The following SRC variants were observed in gnomAD, a reference collection of about 807,000 sequenced individuals.
The protein encoded by SRC is proto-oncogene tyrosine-protein kinase Src.
Under a neutral mutation model 62.9 loss-of-function variants are expected in SRC, and 13 were observed. The observed-to-expected ratio is 0.21, with a 90% CI of 0.13 to 0.33. SRC has a LOEUF of 0.33. Ranked by LOEUF, SRC falls within the 10% of genes least tolerant of loss-of-function variation. SRC has a pLI of 1.00. For synonymous variants in SRC, 302 were observed against 317.5 expected (o/e 0.95, Z 0.52); for missense variants, 457 against 737.3 (o/e 0.62, Z 4.40).
chr20:37,387,894 G>A (rs762661151), intron 5 of SRC, among the ~76,000 whole-genome samples: 1 of 152,154 alleles, frequency 6.6e-6, no homozygotes, highest in Non-Finnish European at 1.5e-5. Flanking sequence ...CTCGAGAAAT[G>A]GGAAGTCTTA....
chr20:37,379,895 C>CAA (rs774306236), intron 2 of SRC, among the ~76,000 whole-genome samples: 821 of 41,028 alleles, frequency 0.02, 30 homozygotes, highest in African/African-American at 0.052. Flanking sequence ...GACTCCATTT[C>CAA]AAAAAAAAAA....
Position 37,402,233 on chromosome 20 carries a change from C to G in SRC, c.1117-202C>G. 1 of 600,528 alleles carries G rather than the reference C, an allele frequency of 1.7e-6. No individual in the cohort carries two copies. Among genetic ancestry groups the G allele is most frequent in the South Asian group, 2.2e-5 (1 of 45,564 alleles). The allele number at this position is 600,528 out of a possible 1,614,324, so 37.2% of individuals were successfully genotyped here. A position where few individuals can be genotyped will look rare whatever the true frequency, so the allele number is the denominator to read the frequency against. On this transcript the variant is annotated intron_variant, in intron 11 of 13. Coordinates refer to ENST00000373578, the MANE Select transcript of SRC (RefSeq NM_198291.3). This position sits in a 1 kb window ranked among gnomAD's most constrained non-coding sequence, Gnocchi z 6.2. Reference sequence around the variant, plus strand: ...TGACCTTTGCCTTCTGCCCTCTGCTCTGTGCCCTGTGCTCCCTACTCCCGC... The same window carrying G: ...TGACCTTTGCCTTCTGCCCTCTGCTGTGTGCCCTGTGCTCCCTACTCCCGC...
At chr20:37,367,888 TC>T (rs1280174968) in intron 2 of SRC, among the ~76,000 whole-genome samples, 15 of 152,268 alleles carry the variant, frequency 9.9e-5, no homozygotes, top group Non-Finnish European at 1.8e-4. Context: ...CAAGAGATCC[TC>T]CTGTCTTGGC....
intron 2 of SRC, among the ~76,000 whole-genome samples, chr20:37,372,988 A>G (rs2070191225): frequency 1.3e-5 from 2 of 152,106 alleles, no homozygotes; most frequent in Non-Finnish European, 2.9e-5. Flanking sequence ...CAGAGATATG[A>G]AAATTCATTA....
intron 1 of SRC, among the ~76,000 whole-genome samples, chr20:37,355,974 G>A (rs1249003354): frequency 6.6e-6 from 1 of 152,168 alleles, no homozygotes; most frequent in Non-Finnish European, 1.5e-5. Flanking sequence ...GCAGGTTGAG[G>A]CCAGACTCTT....
At chr20:37,363,788 G>A (rs552477195) in intron 1 of SRC, among the ~76,000 whole-genome samples, 115 of 152,322 alleles carry the variant, frequency 7.5e-4, no homozygotes, top group African/African-American at 2.7e-3. Flanking sequence ...TGGCCGTCCC[G>A]GTTAGGGAGA....
intron 2 of SRC, among the ~76,000 whole-genome samples, chr20:37,368,742 G>A (rs992779755): frequency 1.3e-5 from 2 of 150,714 alleles, no homozygotes; most frequent in Non-Finnish European, 3.0e-5. Context: ...TAGTAGAGAC[G>A]GGGTTTCACC....
rs773624025 is a variant in SRC, at chr20:37,393,885, C to A, written c.351-10C>A. The A allele has an allele frequency of 1.1e-5, 17 of 1,605,408 alleles. No individual in the cohort carries two copies. In the Admixed American group the frequency reaches 1.7e-4, roughly 16 times the overall value. Reference sequence around the variant, plus strand: ...CTTCTCCTTTCCTCCCTCCTTCTGTCCCTGCTCAGAGAGGGAGACTGGTGG... The same window carrying A: ...CTTCTCCTTTCCTCCCTCCTTCTGTACCTGCTCAGAGAGGGAGACTGGTGG... On this transcript the variant is annotated splice_polypyrimidine_tract_variant and intron_variant, in intron 5 of 13. Coordinates refer to ENST00000373578, the MANE Select transcript of SRC (RefSeq NM_198291.3).
rs1368479335 is a variant in SRC at position 37,351,022 on chromosome 20, C to T, written c.-247+4767C>T. Among the ~76,000 whole-genome samples, 1 of 152,196 alleles carries T rather than the reference C, an allele frequency of 6.6e-6. No individual in the cohort carries two copies. The highest frequency in any genetic ancestry group is 1.9e-4 in the East Asian group (1 of 5,196). On this transcript the variant is annotated intron_variant, in intron 1 of 13. Coordinates refer to ENST00000373578, the MANE Select transcript of SRC (RefSeq NM_198291.3). This position sits in a 1 kb window ranked among gnomAD's most constrained non-coding sequence, Gnocchi z 4.4. The stretch of plus-strand genomic sequence containing the variant: ...AAATGCAGAGCTCTTGTCTTCGATC[C>T]AGGACTCTCCCCAGCCAGCCAGCCT...
Position 37,402,926 on chromosome 20 carries a change from C to G in SRC, c.1402+46C>G. Reference sequence around the variant, plus strand: ...TGTCTGTGGTCCCTGAATCCCTCTGCCCTGGTGGCCTTGGGCAAGTCATGA... The same window carrying G: ...TGTCTGTGGTCCCTGAATCCCTCTGGCCTGGTGGCCTTGGGCAAGTCATGA... On this transcript the variant is annotated intron_variant, in intron 13 of 13. Coordinates refer to ENST00000373578, the MANE Select transcript of SRC (RefSeq NM_198291.3). The surrounding 1 kb of genome is among the most constrained non-coding windows in gnomAD (Gnocchi z 6.2). 1 of 1,581,354 alleles carries G rather than the reference C, an allele frequency of 6.3e-7. No homozygotes were observed. Among genetic ancestry groups the G allele is most frequent in the Non-Finnish European group, 8.6e-7 (1 of 1,165,150 alleles).
rs1419574837 is a variant in SRC, at chr20:37,405,714, T to C, written c.*2335T>C. On this transcript the variant is annotated 3_prime_UTR_variant, in exon 14 of 14. Transcript: ENST00000373578. ...TCCGTGGTGGATGGTAGCAGTGACATTGGGGAGTGGGTGGGGCTGTCAAGC... is the reference window on the plus strand; with the variant it reads ...TCCGTGGTGGATGGTAGCAGTGACACTGGGGAGTGGGTGGGGCTGTCAAGC... 6 of 153,918 alleles carry C rather than the reference T, an allele frequency of 3.9e-5. No homozygotes were observed. In the East Asian group the frequency reaches 1.1e-3, roughly 28 times the overall value. 9.5% of individuals were successfully genotyped at this position (153,918 alleles called of 1,614,324 possible).
intron 3 of SRC, among the ~76,000 whole-genome samples, 159 bp downstream of exon 3, chr20:37,382,945 CTG>C (rs2070387211): frequency 6.6e-6 from 1 of 152,176 alleles, no homozygotes. Context: ...TTGGTTTACT[CTG>C]TGTTTCCGTC....
chr20:37,362,921 G>A (rs957258398), intron 1 of SRC, among the ~76,000 whole-genome samples: 1 of 152,190 alleles, frequency 6.6e-6, no homozygotes, highest in Non-Finnish European at 1.5e-5. Flanking sequence ...TGAGGAAACT[G>A]AGGCTGCAGG....
In SRC at chr20:37,384,532, A is replaced by C. The variant is rs1600997038; in HGVS notation, c.250+129A>C. 22 of 562,718 alleles carry C rather than the reference A, an allele frequency of 3.9e-5. No homozygotes were observed. The highest frequency in any genetic ancestry group is 1.4e-4 in the South Asian group (2 of 14,144). The allele number at this position is 562,718 out of a possible 1,614,324, so 34.9% of individuals were successfully genotyped here. A position where few individuals can be genotyped will look rare whatever the true frequency, so the allele number is the denominator to read the frequency against. Reference sequence around the variant, plus strand: ...TCGCCAGGGGTAGCGCCCCTGGGTGACTTGGGTGTCCGGGGGGTGGGGGGG... The same window carrying C: ...TCGCCAGGGGTAGCGCCCCTGGGTGCCTTGGGTGTCCGGGGGGTGGGGGGG... On this transcript the variant is annotated intron_variant, in intron 4 of 13. Transcript: ENST00000373578. The surrounding 1 kb of genome is among the most constrained non-coding windows in gnomAD (Gnocchi z 6.7).
chr20:37,400,340 G>T, intron 10 of SRC, 46 bp downstream of exon 10: 1 of 1,517,940 alleles, frequency 6.6e-7, no homozygotes, highest in South Asian at 1.3e-5. Flanking sequence ...ACTCCGGACA[G>T]GGCAGGGAGC....
intron 1 of SRC, among the ~76,000 whole-genome samples, chr20:37,364,222 C>A (rs563320250): frequency 1.2e-4 from 19 of 152,210 alleles, no homozygotes; most frequent in African/African-American, 4.3e-4. Context: ...ACGGTGGAAC[C>A]CAGATAGTCT....
intron 5 of SRC, among the ~76,000 whole-genome samples, chr20:37,391,860 A>G (rs567339314): frequency 2.6e-5 from 4 of 152,288 alleles, no homozygotes; most frequent in Non-Finnish European, 1.5e-5. Context: ...TCTCAAAAAA[A>G]TAAATAAATA....
chr20:37,386,595 C>G, intron 5 of SRC: 1 of 676,674 alleles, frequency 1.5e-6, no homozygotes, highest in East Asian at 2.7e-5. Context: ...GGCTGCTCCT[C>G]ACCTCCCAGC....
intron 2 of SRC, among the ~76,000 whole-genome samples, chr20:37,378,425 C>T (rs1041809321): frequency 2.6e-5 from 4 of 152,102 alleles, no homozygotes; most frequent in African/African-American, 9.7e-5. Context: ...AAGCCCACTG[C>T]CTGCATTATC....
Sources: gnomAD v4.1 joint callset for allele counts (sites outside exome capture counted in the v4.1 genomes callset) on GRCh38, gnomAD v4.1.1 for gene constraint, Gnocchi (gnomAD v3.1) non-coding constraint, MANE v1.5 for transcripts, NCBI Gene and HGNC (gene_info 2026-07-23, HGNC 2026-07-21) for gene names.